UTS2B: variants seen among roughly 807,000 people sequenced by gnomAD.
UTS2B encodes urotensin-2B.
A neutral mutation model predicts 19.2 loss-of-function variants in UTS2B; 21 were observed. The ratio of observed to expected loss-of-function variants is 1.09; its 90% CI spans 0.78 to 1.58. UTS2B has a LOEUF of 1.58. Ranked by LOEUF, UTS2B falls within the 40% of genes most tolerant of loss-of-function variation. UTS2B has a pLI of 0.00. For missense variants in UTS2B, 138 were observed against 130.3 expected (o/e 1.06, Z -0.29); for synonymous variants, 57 against 50.2 (o/e 1.14, Z -0.58).
chr3:191,315,923 G>C (rs1250095206), intron 3 of UTS2B, 113 bp downstream of exon 3: 3 of 152,132 alleles, frequency 2.0e-5, no homozygotes, highest in Non-Finnish European at 4.4e-5. Context: ...TATTCTTTTG[G>C]TTATCTATTG....
At chr3:191,338,349 A>T in the UTS2B span, among the ~76,000 whole-genome samples, 1 of 152,050 alleles carries the variant, frequency 6.6e-6, no homozygotes, top group African/African-American at 2.4e-5. Context: ...ACTGTGAAAG[A>T]CTCTTTTTGT....
At chr3:191,317,568 T>C (rs1717499103) in intron 2 of UTS2B, among the ~76,000 whole-genome samples, 1 of 22,490 alleles carries the variant, frequency 4.4e-5, no homozygotes, top group African/African-American at 1.8e-4. Context: ...AGGATAGTCT[T>C]TGTTGTTGTT....
At chr3:191,325,205 G>A (rs1717714242) in intron 2 of UTS2B, among the ~76,000 whole-genome samples, 1 of 152,182 alleles carries the variant, frequency 6.6e-6, no homozygotes, top group Non-Finnish European at 1.5e-5. Context: ...GGAGTAAGAA[G>A]TTACCCAGAA....
intron 4 of UTS2B, among the ~76,000 whole-genome samples, chr3:191,302,649 A>G (rs1451909439): frequency 2.6e-5 from 4 of 152,216 alleles, no homozygotes; most frequent in Non-Finnish European, 5.9e-5. Flanking sequence ...ATTAACTACT[A>G]TAACAACATA....
intron 3 of UTS2B, among the ~76,000 whole-genome samples, chr3:191,305,242 C>T (rs768816772): frequency 3.9e-5 from 6 of 152,208 alleles, no homozygotes; most frequent in Non-Finnish European, 2.9e-5. Flanking sequence ...GGAATCGCCA[C>T]ACTGTCTTCC....
intron 3 of UTS2B, among the ~76,000 whole-genome samples, chr3:191,312,125 G>A (rs1433200309): frequency 4.0e-5 from 6 of 150,270 alleles, no homozygotes; most frequent in African/African-American, 7.3e-5. Flanking sequence ...GCACTCCAGC[G>A]TGGGTGACAG....
chr3:191,342,540 C>T, the UTS2B span, among the ~76,000 whole-genome samples: 1 of 152,020 alleles, frequency 6.6e-6, no homozygotes, highest in Non-Finnish European at 1.5e-5. Flanking sequence ...TTTTTCTTCC[C>T]CTGGTGTAAA....
chr3:191,322,385 C>T (rs4677722), intron 2 of UTS2B, among the ~76,000 whole-genome samples: 87,515 of 152,060 alleles, frequency 0.58, 25,778 homozygotes, highest in African/African-American at 0.7. Flanking sequence ...GAAAGTAGAC[C>T]TATCTTGGTT....
chr3:191,310,482 G>A (rs573541367), intron 3 of UTS2B, among the ~76,000 whole-genome samples: 60 of 152,294 alleles, frequency 3.9e-4, no homozygotes, highest in African/African-American at 1.4e-3. Flanking sequence ...CCTATTTAGT[G>A]TGCAGAAATC....
chr3:191,268,469 T>C (rs1716002520), intron 8 of UTS2B, 28 bp from the exon 9 acceptor site: 2 of 1,488,298 alleles, frequency 1.3e-6, no homozygotes, highest in Admixed American at 1.8e-5. Flanking sequence ...ATACATTTTT[T>C]ATTAGAAGTA....
chr3:191,311,861 C>T (rs780058546), intron 3 of UTS2B, among the ~76,000 whole-genome samples: 2 of 152,116 alleles, frequency 1.3e-5, no homozygotes, highest in East Asian at 3.8e-4. Context: ...ACATCTTGGC[C>T]AAGTGCAGTG....
intron 4 of UTS2B, among the ~76,000 whole-genome samples, chr3:191,289,410 A>G (rs1466739787): frequency 7.4e-6 from 1 of 135,076 alleles, no homozygotes; most frequent in Non-Finnish European, 1.6e-5. Flanking sequence ...CTCCATCTCA[A>G]TAAATAAATA....
intron 4 of UTS2B, among the ~76,000 whole-genome samples, chr3:191,294,246 A>G (rs920847703): frequency 1.1e-4 from 17 of 152,032 alleles, no homozygotes; most frequent in Non-Finnish European, 2.5e-4. Context: ...AACATTATTT[A>G]GAATCATTAC....
At chr3:191,282,007 G>T in intron 5 of UTS2B, 80 bp downstream of exon 5, 1 of 1,000,422 alleles carries the variant, frequency 1.0e-6, no homozygotes, top group Non-Finnish European at 1.5e-6. Context: ...TTCAACAATG[G>T]CAGAAAAATC....
In UTS2B at chr3:191,275,495, A is replaced by G; in HGVS notation, c.241-150T>C. 6.8e-6 allele frequency: 4 copies of G among 591,222 alleles called. No individual in the cohort carries two copies. The Admixed American group carries it at 8.5e-5, about 13-fold the overall frequency. The allele number at this position is 591,222 out of a possible 1,614,324, so 36.6% of individuals were successfully genotyped here. ...GGCGATCAAGACCATCCTGGCTAACACAGTGAAACTCCGCCTCTACTAAAA... is the reference window on the plus strand; with the variant it reads ...GGCGATCAAGACCATCCTGGCTAACGCAGTGAAACTCCGCCTCTACTAAAA... On this transcript the variant is annotated intron_variant, in intron 7 of 8. Transcript: ENST00000340524.
chr3:191,276,191 C>G (rs1716230940), intron 7 of UTS2B, among the ~76,000 whole-genome samples: 1 of 152,064 alleles, frequency 6.6e-6, no homozygotes, highest in Non-Finnish European at 1.5e-5. Context: ...GAGCTAACTA[C>G]AAAAGTAGGG....
chr3:191,286,348 A>G (rs969993361), intron 4 of UTS2B, among the ~76,000 whole-genome samples: 4 of 152,216 alleles, frequency 2.6e-5, no homozygotes. Context: ...TGCATGCCAA[A>G]TATTCTCCAG....
intron 4 of UTS2B, among the ~76,000 whole-genome samples, chr3:191,301,256 GA>G (rs1380379895): frequency 6.6e-6 from 1 of 151,926 alleles, no homozygotes; most frequent in Non-Finnish European, 1.5e-5. Context: ...GATTTGAATG[GA>G]AAAAAATACA....
chr3:191,320,204 A>G (rs1717578103), intron 2 of UTS2B, among the ~76,000 whole-genome samples: 1 of 152,228 alleles, frequency 6.6e-6, no homozygotes, highest in Admixed American at 6.5e-5. Flanking sequence ...AAGATCAGGG[A>G]AAGTCACTAG....
Sources: allele counts gnomAD v4.1 joint callset (sites outside exome capture counted in the v4.1 genomes callset), GRCh38; gene constraint gnomAD v4.1.1; transcripts MANE v1.5; gene names NCBI Gene and HGNC (gene_info 2026-07-23, HGNC 2026-07-21).